The following ST3GAL6 variants were observed in gnomAD, a reference collection of about 807,000 sequenced individuals.
ST3GAL6 encodes the protein type 2 lactosamine alpha-2,3-sialyltransferase.
Under a neutral mutation model 40.5 loss-of-function variants are expected in ST3GAL6, and 31 were observed. The observed-to-expected ratio is 0.77, with a 90% CI of 0.58 to 1.03. The LOEUF (loss-of-function observed/expected upper bound fraction) is 1.03, where lower values mean the gene tolerates loss of function less well. Ranked by LOEUF, ST3GAL6 falls within the 50% of genes least tolerant of loss-of-function variation. The pLI is 0.00. For missense variants in ST3GAL6, 357 were observed against 393.2 expected (o/e 0.91, Z 0.78); for synonymous variants, 129 against 136.9 (o/e 0.94, Z 0.40).
intron 1 of ST3GAL6, among the ~76,000 whole-genome samples, chr3:98,735,328 G>A (rs952105407): frequency 1.3e-5 from 2 of 152,062 alleles, no homozygotes; most frequent in African/African-American, 4.8e-5. Flanking sequence ...TCCTTTGCCT[G>A]GCATATCCTC....
chr3:98,743,931 G>A (rs1352614367), intron 1 of ST3GAL6, among the ~76,000 whole-genome samples: 2 of 139,222 alleles, frequency 1.4e-5, no homozygotes, highest in Non-Finnish European at 3.0e-5. Flanking sequence ...ATATTTAGAA[G>A]TCCTAATCCC....
intron 1 of ST3GAL6, among the ~76,000 whole-genome samples, chr3:98,756,971 C>T (rs1937467997): frequency 6.6e-6 from 1 of 152,076 alleles, no homozygotes; most frequent in South Asian, 2.1e-4. Flanking sequence ...GAATTAATTC[C>T]AGTTCTCTGT....
intron 1 of ST3GAL6, among the ~76,000 whole-genome samples, chr3:98,736,334 A>C (rs182211924): frequency 6.6e-6 from 1 of 152,336 alleles, no homozygotes; most frequent in East Asian, 1.9e-4. Flanking sequence ...ATACTTTGCA[A>C]TGTATTTAGT....
intron 1 of ST3GAL6, chr3:98,733,238 G>T (rs1935205217): frequency 1.0e-6 from 1 of 973,908 alleles, no homozygotes; most frequent in Non-Finnish European, 1.2e-6. Context: ...GCCGGCGTGC[G>T]CCGCAGCCAC....
intron 1 of ST3GAL6, among the ~76,000 whole-genome samples, chr3:98,735,741 G>C (rs916291221): frequency 6.6e-6 from 1 of 152,086 alleles, no homozygotes; most frequent in Non-Finnish European, 1.5e-5. Context: ...TAACCCTTAG[G>C]GGTTAAAATG....
chr3:98,744,615 C>G (rs559923229), intron 1 of ST3GAL6, among the ~76,000 whole-genome samples: 1 of 152,274 alleles, frequency 6.6e-6, no homozygotes, highest in African/African-American at 2.4e-5. Flanking sequence ...CCAGGTTGAG[C>G]CTTGCAGACC....
At position 98,794,529 on chromosome 3, in the gene ST3GAL6, T is replaced by A. The variant is rs1941457569; in HGVS notation, c.*768T>A. ...CCTGACTTACTTATTCATTAAATTT[T>A]GAAGGTTTTCCACTTGAAGTAAATT... On this transcript the variant is annotated 3_prime_UTR_variant, in exon 10 of 10. Coordinates refer to ENST00000483910, the MANE Select transcript of ST3GAL6 (RefSeq NM_001323368.2). The A allele has an allele frequency of 6.6e-6, 1 of 152,196 alleles. No individual in the cohort carries two copies. The highest frequency in any genetic ancestry group is 2.1e-4 in the South Asian group (1 of 4,830). The allele number at this position is 152,196 out of a possible 1,614,324, so 9.4% of individuals were successfully genotyped here. A position where few individuals can be genotyped will look rare whatever the true frequency, so the allele number is the denominator to read the frequency against.
chr3:98,764,909 AT>A (rs1274289049), intron 1 of ST3GAL6, among the ~76,000 whole-genome samples: 1 of 152,230 alleles, frequency 6.6e-6, no homozygotes, highest in African/African-American at 2.4e-5. Flanking sequence ...GTAAAAAAAA[AT>A]AATACAAAGC....
intron 1 of ST3GAL6, among the ~76,000 whole-genome samples, chr3:98,746,622 A>G (rs1936576856): frequency 6.6e-6 from 1 of 152,186 alleles, no homozygotes; most frequent in African/African-American, 2.4e-5. Context: ...TTTATAGAAA[A>G]TAACGTTAAC....
chr3:98,773,885 A>C (rs1277646231), intron 4 of ST3GAL6, 35 bp from the exon 5 acceptor site: 3 of 1,572,124 alleles, frequency 1.9e-6, no homozygotes, highest in Non-Finnish European at 2.6e-6. Flanking sequence ...AGACATGATT[A>C]TCCTTTTATT....
rs1370435975 is a variant in ST3GAL6, at chr3:98,794,359, A to T, written c.*598A>T. On this transcript the variant is annotated 3_prime_UTR_variant, in exon 10 of 10. Coordinates refer to ENST00000483910, the MANE Select transcript of ST3GAL6 (RefSeq NM_001323368.2). The stretch of plus-strand genomic sequence containing the variant: ...GCTAAACATAAAGTTCTTATTAGAT[A>T]AGTAAATAACTAAAGAAAGAATACA... The T allele has an allele frequency of 6.6e-6, 1 of 152,206 alleles. No individual in the cohort carries two copies. The highest frequency in any genetic ancestry group is 1.5e-5 in the Non-Finnish European group (1 of 68,030). 9.4% of individuals were successfully genotyped at this position (152,206 alleles called of 1,614,324 possible).
chr3:98,735,193 A>G (rs1333000149), intron 1 of ST3GAL6, among the ~76,000 whole-genome samples: 1 of 152,176 alleles, frequency 6.6e-6, no homozygotes, highest in Non-Finnish European at 1.5e-5. Flanking sequence ...AAAAACCAAG[A>G]TTGCCTTAGG....
intron 1 of ST3GAL6, among the ~76,000 whole-genome samples, chr3:98,755,128 A>C (rs932123126): frequency 6.6e-6 from 1 of 151,942 alleles, no homozygotes. Context: ...GTTCACTGCA[A>C]CCTCCACCTC....
In ST3GAL6 at chr3:98,792,673, ATTT is replaced by A. The variant is rs11305556; in HGVS notation, c.909+696_909+698del. On this transcript the variant is annotated intron_variant, in intron 9 of 9. Coordinates refer to ENST00000483910, the MANE Select transcript of ST3GAL6 (RefSeq NM_001323368.2). Reference sequence around the variant, plus strand: ...AGGCGCCCGCCACCACGACCGGCTAATTTTTTTTTTTTTTTTTTGTATTTTTGT... The same window carrying A: ...AGGCGCCCGCCACCACGACCGGCTAATTTTTTTTTTTTTTTGTATTTTTGT... 2.6e-3 allele frequency among the ~76,000 whole-genome samples: 352 copies of A among 132,946 alleles called. 3 individuals carry two copies. Among genetic ancestry groups the A allele is most frequent in the Admixed American group, 7.7e-3 (102 of 13,322 alleles). 87.2% of individuals were successfully genotyped at this position (132,946 alleles called of 152,430 possible).
intron 4 of ST3GAL6, 153 bp downstream of exon 4, chr3:98,773,069 T>A: frequency 1.9e-6 from 1 of 519,060 alleles, no homozygotes; most frequent in South Asian, 3.0e-5. Context: ...GAATTACATT[T>A]TAAAATATAA....
intron 1 of ST3GAL6, among the ~76,000 whole-genome samples, chr3:98,747,999 G>A (rs1936697101): frequency 6.6e-6 from 1 of 152,078 alleles, no homozygotes; most frequent in Non-Finnish European, 1.5e-5. Flanking sequence ...TTAACATTTG[G>A]ACCTCTATTA....
chr3:98,782,581 C>T (rs533685603), intron 5 of ST3GAL6: 2 of 521,418 alleles, frequency 3.8e-6, no homozygotes, highest in South Asian at 4.1e-5. Context: ...TCTCCTGCTT[C>T]CAGCACTGTC....
At chr3:98,763,530 C>A in intron 1 of ST3GAL6, 91 bp downstream of exon 1, 2 of 1,189,042 alleles carry the variant, frequency 1.7e-6, no homozygotes, top group South Asian at 2.6e-5. Context: ...TGCCCACAGG[C>A]TGTGTGGAGG....
At chr3:98,783,199 C>T in intron 5 of ST3GAL6, 1 of 160,348 alleles carries the variant, frequency 6.2e-6, no homozygotes, top group Non-Finnish European at 1.4e-5. Flanking sequence ...AGTGATCCAG[C>T]AGACCTGCAC....
Sources: allele counts gnomAD v4.1 joint callset (sites outside exome capture counted in the v4.1 genomes callset), GRCh38; gene constraint gnomAD v4.1.1; transcripts MANE v1.5; gene names NCBI Gene and HGNC (gene_info 2026-07-23, HGNC 2026-07-21).